The following KIAA1549L variants were observed in gnomAD, a reference collection of about 807,000 sequenced individuals.
KIAA1549L encodes the protein KIAA1549 like.
Under a neutral mutation model 160.7 loss-of-function variants are expected in KIAA1549L, and 88 were observed. The ratio of observed to expected loss-of-function variants is 0.55; its 90% CI spans 0.46 to 0.65. The LOEUF (loss-of-function observed/expected upper bound fraction) is 0.65. KIAA1549L is among the 30% of genes least tolerant of loss of function. The probability of loss-of-function intolerance (pLI) is 0.00; values close to 1 mark genes in which losing one functional copy is unlikely to be tolerated. For synonymous variants in KIAA1549L, 950 were observed against 976.7 expected (o/e 0.97, Z 0.51); for missense variants, 2,258 against 2,437.5 (o/e 0.93, Z 1.55).
At chr11:33,564,440 TCTC>T (rs1356438767) in intron 8 of KIAA1549L, among the ~76,000 whole-genome samples, 4 of 152,202 alleles carry the variant, frequency 2.6e-5, no homozygotes, top group African/African-American at 9.7e-5. Context: ...TGCACATACT[TCTC>T]CTGCCTCAGA....
At chr11:33,474,468 A>G (rs1232658824) in intron 1 of KIAA1549L, among the ~76,000 whole-genome samples, 1 of 152,232 alleles carries the variant, frequency 6.6e-6, no homozygotes, top group East Asian at 1.9e-4. Context: ...AGTTCCACAG[A>G]GCTCTTTCTC....
intron 16 of KIAA1549L, among the ~76,000 whole-genome samples, chr11:33,619,504 A>T (rs926611365): frequency 2.6e-5 from 4 of 152,214 alleles, no homozygotes; most frequent in Non-Finnish European, 5.9e-5. Flanking sequence ...CTTGGTTTTT[A>T]AAATATACCA....
intron 1 of KIAA1549L, among the ~76,000 whole-genome samples, chr11:33,437,216 TAC>T: frequency 6.6e-6 from 1 of 152,320 alleles, no homozygotes; most frequent in East Asian, 1.9e-4. Flanking sequence ...CTCTCATATG[TAC>T]ACATTATTTT....
intron 1 of KIAA1549L, among the ~76,000 whole-genome samples, chr11:33,512,709 T>C (rs1490307880): frequency 6.6e-6 from 1 of 152,170 alleles, no homozygotes; most frequent in Non-Finnish European, 1.5e-5. Context: ...GCGTGAGCCA[T>C]TGCGCCCGGC....
chr11:33,544,124 C>A lies in KIAA1549L; in HGVS notation c.2561C>A (p.Thr854Lys). ...CTAACCTCACCAGGACCAACTTCTA[C>A]AGGTAGCTTGCAGGAAATGCTTTCA... ...LLLTSPGPTSTGSLQEMLSDG... is the reference protein window; with the variant it reads ...LLLTSPGPTSKGSLQEMLSDG... Residue 854 changes from threonine (T) to lysine (K), a missense_variant, in exon 2 of 21, where the codon ACA (threonine) becomes AAA (lysine). Thr to Lys is a moderately conservative substitution (Grantham distance 78). Coordinates refer to ENST00000658780, the MANE Select transcript of KIAA1549L (RefSeq NM_012194.3). 6.2e-7 allele frequency: 1 copy of A among 1,614,046 alleles called. No homozygotes were observed. Among genetic ancestry groups the A allele is most frequent in the Non-Finnish European group, 8.5e-7 (1 of 1,179,904 alleles).
chr11:33,408,975 G>A (rs1303635724), intron 1 of KIAA1549L, among the ~76,000 whole-genome samples: 1 of 128,742 alleles, frequency 7.8e-6, no homozygotes, highest in African/African-American at 2.8e-5. Context: ...AAAAAAATTA[G>A]GTATCCTTAA....
At chr11:33,530,258 C>T (rs1284154696) in intron 1 of KIAA1549L, among the ~76,000 whole-genome samples, 5 of 143,902 alleles carry the variant, frequency 3.5e-5, no homozygotes, top group Admixed American at 6.9e-5. Flanking sequence ...AAAAATTAGC[C>T]GGGCGTGATA....
At chr11:33,618,791 AT>A (rs371420416) in intron 16 of KIAA1549L, 129 bp downstream of exon 16, 7 of 920,162 alleles carry the variant, frequency 7.6e-6, no homozygotes, top group Non-Finnish European at 1.1e-5. Flanking sequence ...AATGTTTTCT[AT>A]TTTTTTATTA....
chr11:33,644,502 A>G (rs569385805), intron 16 of KIAA1549L, among the ~76,000 whole-genome samples: 1 of 152,382 alleles, frequency 6.6e-6, no homozygotes, highest in East Asian at 1.9e-4. Context: ...TGAATAAAGT[A>G]ATAGTGATGA....
At chr11:33,487,263 G>A (rs971420852) in intron 1 of KIAA1549L, among the ~76,000 whole-genome samples, 3 of 152,144 alleles carry the variant, frequency 2.0e-5, no homozygotes, top group African/African-American at 7.2e-5. Context: ...CAAGACTCTT[G>A]CGGATCATGG....
intron 1 of KIAA1549L, among the ~76,000 whole-genome samples, chr11:33,538,577 A>G (rs1157492964): frequency 6.6e-6 from 1 of 152,188 alleles, no homozygotes; most frequent in East Asian, 1.9e-4. Context: ...TTGAAAATCA[A>G]CTAATTTTTA....
At chr11:33,537,147 T>A (rs540994180) in intron 1 of KIAA1549L, among the ~76,000 whole-genome samples, 1 of 152,246 alleles carries the variant, frequency 6.6e-6, no homozygotes, top group African/African-American at 2.4e-5. Context: ...CCTTTGCATA[T>A]GCTTGTTCCT....
intron 16 of KIAA1549L, among the ~76,000 whole-genome samples, chr11:33,622,577 G>A (rs1049203239): frequency 2.0e-5 from 3 of 152,148 alleles, no homozygotes; most frequent in African/African-American, 7.2e-5. Context: ...TCCTCTGTCC[G>A]GAGTGCACAC....
intron 16 of KIAA1549L, among the ~76,000 whole-genome samples, chr11:33,627,344 CCTT>C (rs1590412399): frequency 6.7e-6 from 1 of 150,346 alleles, no homozygotes; most frequent in Non-Finnish European, 1.5e-5. Flanking sequence ...ACCAGTTCCT[CCTT>C]GTACCTCTGG....
Position 33,549,566 on chromosome 11 carries a change from T to C in KIAA1549L, c.3502-1474T>C, listed in dbSNP as rs146545671. On this transcript the variant is annotated intron_variant, in intron 4 of 20. Coordinates refer to ENST00000658780, the MANE Select transcript of KIAA1549L (RefSeq NM_012194.3). The stretch of plus-strand genomic sequence containing the variant: ...CCTCTTGTTCCACCTAAAATCATCT[T>C]GAGCACCATCTTCATGAAAAACTGA... Among the ~76,000 whole-genome samples the C allele has an allele frequency of 2.2e-3, 331 of 152,316 alleles. 1 individual carries two copies. Among genetic ancestry groups the C allele is most frequent in the Non-Finnish European group, 2.1e-3 (144 of 68,026 alleles).
At chr11:33,473,681 G>A (rs993311014) in intron 1 of KIAA1549L, among the ~76,000 whole-genome samples, 57 of 151,978 alleles carry the variant, frequency 3.8e-4, no homozygotes, top group Admixed American at 3.5e-3. Context: ...CGTTCCCTTC[G>A]AGTCATATTA....
At chr11:33,483,998 A>G (rs142543314) in intron 1 of KIAA1549L, among the ~76,000 whole-genome samples, 1 of 152,208 alleles carries the variant, frequency 6.6e-6, no homozygotes. Context: ...CTTCTTGGTC[A>G]GATACTATCC....
In KIAA1549L at chr11:33,542,062, G is replaced by A. The variant is rs1227610467; in HGVS notation, c.499G>A (p.Ala167Thr). ...CCTTTACCAAGGAAGCGGACATAGC[G>A]CCTCCCTCGAACCTTCCAAGGATTC... ...SSLYQGSGHS[A>T]SLEPSKDSTE... is the part of the protein sequence containing the mutation. The change falls in exon 2 of 21, where the codon GCC becomes ACC. Residue 167 changes from alanine to threonine, a missense_variant. Physicochemically the swap from Ala to Thr is moderately conservative, Grantham distance 58 (BLOSUM62 0). Around this residue, in one of 6 missense-constraint regions of KIAA1549L, gnomAD observed 540 missense variants for 465.7 expected, o/e 1.16. Transcript: ENST00000658780. 4 of 470,610 alleles carry A rather than the reference G, an allele frequency of 8.5e-6. No homozygotes were observed. The highest frequency in any genetic ancestry group is 3.1e-5 in the South Asian group (2 of 64,684). 29.2% of individuals were successfully genotyped at this position (470,610 alleles called of 1,614,324 possible).
At chr11:33,577,549 G>GA (rs920201268) in intron 10 of KIAA1549L, among the ~76,000 whole-genome samples, 1 of 152,204 alleles carries the variant, frequency 6.6e-6, no homozygotes, top group African/African-American at 2.4e-5. Context: ...CTAATGAGGA[G>GA]AAAGTGGAGT....
Sources: gnomAD v4.1 joint callset for allele counts (sites outside exome capture counted in the v4.1 genomes callset) on GRCh38, gnomAD v4.1.1 for gene constraint, gnomAD v4.1.1 regional missense constraint, MANE v1.5 for transcripts, NCBI Gene and HGNC (gene_info 2026-07-23, HGNC 2026-07-21) for gene names.